The following SWAP70 variants were observed in gnomAD, a reference collection of about 807,000 sequenced individuals.
SWAP70 encodes the protein switch-associated protein 70.
In SWAP70, 34 loss-of-function variants were observed where a neutral mutation model predicts 80.2. The ratio of observed to expected loss-of-function variants is 0.42; its 90% CI spans 0.32 to 0.56. SWAP70 has a LOEUF of 0.56. Among genes scored for constraint, SWAP70 ranks in the 20% least tolerant of loss-of-function variants. The pLI is 0.09. For missense variants in SWAP70, 578 were observed against 690.7 expected (o/e 0.84, Z 1.83); for synonymous variants, 239 against 238.5 (o/e 1.00, Z -0.02).
chr11:9,683,642 G>T (rs1590016151), intron 1 of SWAP70, among the ~76,000 whole-genome samples: 1 of 152,120 alleles, frequency 6.6e-6, no homozygotes, highest in African/African-American at 2.4e-5. Context: ...AATGAAATTG[G>T]GAAAAGGAAC....
At chr11:9,687,752 C>T (rs1850650032) in intron 1 of SWAP70, among the ~76,000 whole-genome samples, 1 of 152,124 alleles carries the variant, frequency 6.6e-6, no homozygotes, top group Non-Finnish European at 1.5e-5. Flanking sequence ...CTTCGCTTAG[C>T]CCTATGCTAG....
intron 2 of SWAP70, among the ~76,000 whole-genome samples, chr11:9,702,184 A>G (rs1159355870): frequency 6.6e-6 from 1 of 152,138 alleles, no homozygotes; most frequent in East Asian, 1.9e-4. Context: ...TGTCACTTAT[A>G]ATTCTTTTAT....
chr11:9,737,978 C>T (rs1490695569), intron 7 of SWAP70, among the ~76,000 whole-genome samples: 2 of 152,212 alleles, frequency 1.3e-5, no homozygotes, highest in Non-Finnish European at 2.9e-5. Context: ...ACTTTCTTTG[C>T]AAAATGTTGT....
At chr11:9,724,096 A>G (rs1438087932) in intron 3 of SWAP70, among the ~76,000 whole-genome samples, 1 of 152,238 alleles carries the variant, frequency 6.6e-6, no homozygotes, top group East Asian at 1.9e-4. Flanking sequence ...TTTCAATAGC[A>G]GTATTTTCTA....
chr11:9,726,889 T>C (rs1434194458), intron 4 of SWAP70: 1 of 456,252 alleles, frequency 2.2e-6, no homozygotes, highest in South Asian at 1.5e-5. Flanking sequence ...GAACTCCTGG[T>C]GCAGTATTTT....
intron 2 of SWAP70, among the ~76,000 whole-genome samples, chr11:9,707,811 C>T (rs912300043): frequency 8.5e-5 from 13 of 152,104 alleles, no homozygotes; most frequent in Non-Finnish European, 1.8e-4. Context: ...CTGCGTTGGC[C>T]TCCCAAAGTG....
At chr11:9,720,920 G>A (rs1851126242) in intron 3 of SWAP70, among the ~76,000 whole-genome samples, 1 of 151,950 alleles carries the variant, frequency 6.6e-6, no homozygotes, top group African/African-American at 2.4e-5. Flanking sequence ...GCTTCAAACG[G>A]TTCTCCTACC....
At position 9,732,646 on chromosome 11, in the gene SWAP70, G is replaced by T; in HGVS notation, c.1016G>T (p.Arg339Leu). 5 of 1,575,078 alleles carry T rather than the reference G, an allele frequency of 3.2e-6. No individual in the cohort carries two copies. The highest frequency in any genetic ancestry group is 4.3e-6 in the Non-Finnish European group (5 of 1,158,778). ...KQLAEQEELE[R>L]QMKELQAANE... ...CTGGCTGAACAAGAGGAACTGGAGC[G>T]ACAAATGAAGGAACTCCAGGCCGCC... The change falls in exon 7 of 12, where the codon CGA becomes CTA. Residue 339 changes from arginine to leucine, a missense_variant. Transcript: ENST00000318950.
intron 6 of SWAP70, among the ~76,000 whole-genome samples, chr11:9,730,142 T>G (rs1038107534): frequency 6.6e-6 from 1 of 152,116 alleles, no homozygotes; most frequent in Admixed American, 6.5e-5. Flanking sequence ...CTCCAATGTC[T>G]ATTATTCCTT....
At chr11:9,729,739 G>A (rs1427028200) in intron 6 of SWAP70, among the ~76,000 whole-genome samples, 2 of 152,088 alleles carry the variant, frequency 1.3e-5, no homozygotes, top group Non-Finnish European at 2.9e-5. Context: ...TGATCCACCT[G>A]CCTTGGCCTC....
chr11:9,741,943 A>AAAAAAAAAAAAAG (rs1358732276), intron 9 of SWAP70: 1 of 147,982 alleles, frequency 6.8e-6, no homozygotes, highest in African/African-American at 2.5e-5. Flanking sequence ...ATCTTTAAAA[A>AAAAAAAAAAAAAG]AAAAAAAAAA....
At chr11:9,673,928 C>T in intron 1 of SWAP70, among the ~76,000 whole-genome samples, 1 of 151,984 alleles carries the variant, frequency 6.6e-6, no homozygotes, top group East Asian at 1.9e-4. Flanking sequence ...GAGATGGAAT[C>T]CCGCTCTGTC....
intron 2 of SWAP70, among the ~76,000 whole-genome samples, chr11:9,702,961 G>C (rs77316233): frequency 2.3e-4 from 35 of 152,226 alleles, no homozygotes; most frequent in African/African-American, 7.9e-4. Context: ...CATACAATTA[G>C]TCTATTTAAC....
At chr11:9,720,585 A>G (rs1590037144) in intron 3 of SWAP70, 5 of 615,408 alleles carry the variant, frequency 8.1e-6, no homozygotes, top group Non-Finnish European at 1.0e-5. Flanking sequence ...CTGCACACAC[A>G]TGTGGCTATA....
chr11:9,721,628 C>T (rs116856965), intron 3 of SWAP70, among the ~76,000 whole-genome samples: 3,683 of 152,012 alleles, frequency 0.024, 124 homozygotes, highest in East Asian at 0.17. Flanking sequence ...TGTACCACCA[C>T]ACCTGGCTAA....
intron 1 of SWAP70, among the ~76,000 whole-genome samples, chr11:9,692,772 T>C (rs1850712127): frequency 6.6e-6 from 1 of 152,200 alleles, no homozygotes; most frequent in African/African-American, 2.4e-5. Context: ...TTTTGCTGAT[T>C]GTGGTGCAGG....
intron 9 of SWAP70, among the ~76,000 whole-genome samples, chr11:9,747,406 T>C (rs1851525560): frequency 6.6e-6 from 1 of 152,234 alleles, no homozygotes; most frequent in Admixed American, 6.5e-5. Context: ...TTTTACTAGA[T>C]GAAAATGTTT....
chr11:9,731,896 A>G (rs894413247), intron 6 of SWAP70, among the ~76,000 whole-genome samples: 1 of 152,230 alleles, frequency 6.6e-6, no homozygotes, highest in South Asian at 2.1e-4. Flanking sequence ...AGTGTTAGCT[A>G]TTCAAGAAAT....
chr11:9,679,384 A>G (rs1279973403), intron 1 of SWAP70, among the ~76,000 whole-genome samples: 1 of 152,226 alleles, frequency 6.6e-6, no homozygotes, highest in Non-Finnish European at 1.5e-5. Flanking sequence ...GGGGCATGTC[A>G]GCCTTGGCAG....
Sources: gnomAD v4.1 joint callset for allele counts (sites outside exome capture counted in the v4.1 genomes callset) on GRCh38, gnomAD v4.1.1 for gene constraint, MANE v1.5 for transcripts, NCBI Gene and HGNC (gene_info 2026-07-23, HGNC 2026-07-21) for gene names.